Variants in SENP2 observed in about 807,000 individuals in gnomAD.
SENP2 encodes SUMO specific peptidase 2.
A neutral mutation model predicts 86.3 loss-of-function variants in SENP2; 16 were observed. The ratio of observed to expected loss-of-function variants is 0.19; its 90% CI spans 0.13 to 0.28. SENP2 has a LOEUF of 0.28. Among genes scored for constraint, SENP2 ranks in the 10% least tolerant of loss-of-function variants. SENP2 has a pLI of 1.00. For synonymous variants in SENP2, 222 were observed against 238.7 expected, an observed-to-expected ratio of 0.93 and a Z score of 0.64; for missense variants, 552 against 703.0, an observed-to-expected ratio of 0.79 and a Z score of 2.43.
intron 5 of SENP2, among the ~76,000 whole-genome samples, chr3:185,603,230 C>G (rs1722405890): frequency 6.6e-6 from 1 of 152,012 alleles, no homozygotes; most frequent in African/African-American, 2.4e-5. Flanking sequence ...TTATTACTTA[C>G]AAAAGGAAAA....
At position 185,598,938 on chromosome 3, in the gene SENP2, T is replaced by C; in HGVS notation, c.292-20T>C. 6.3e-6 allele frequency: 10 copies of C among 1,581,144 alleles called. No homozygotes were observed. The highest frequency in any genetic ancestry group is 8.7e-6 in the Non-Finnish European group (10 of 1,152,650). ...TGACAAAATTTAGATGCTACAGAAG[T>C]GATTCTGTTTGATTTTAAGGTATTT... On this transcript the variant is annotated intron_variant, in intron 3 of 16. Transcript: ENST00000296257.
intron 2 of SENP2, among the ~76,000 whole-genome samples, chr3:185,597,559 G>T (rs1413485097): frequency 6.6e-6 from 1 of 151,486 alleles, no homozygotes; most frequent in African/African-American, 2.4e-5. Flanking sequence ...TCACTGTGTT[G>T]GCCAGGATGT....
At chr3:185,594,300 T>G (rs1476028353) in intron 2 of SENP2, among the ~76,000 whole-genome samples, 2 of 152,164 alleles carry the variant, frequency 1.3e-5, no homozygotes, top group African/African-American at 4.8e-5. Context: ...GTAGTATGAT[T>G]TTCTGAATGG....
intron 14 of SENP2, 127 bp downstream of exon 14, chr3:185,622,032 T>C: frequency 2.0e-6 from 1 of 508,448 alleles, no homozygotes; most frequent in African/African-American, 2.0e-5. Context: ...GCATGCATTT[T>C]ATTTTTAAAA....
At chr3:185,618,762 C>G (rs763456663) in intron 12 of SENP2, among the ~76,000 whole-genome samples, 1 of 151,934 alleles carries the variant, frequency 6.6e-6, no homozygotes, top group East Asian at 1.9e-4. Context: ...ACCTGTAGTC[C>G]CAGCTACTCG....
intron 6 of SENP2, 154 bp from the exon 7 acceptor site, chr3:185,609,093 A>T: frequency 1.8e-6 from 1 of 566,358 alleles, no homozygotes; most frequent in Non-Finnish European, 3.1e-6. Context: ...AGGAGGCTAG[A>T]TTATTTTTAA....
In SENP2 at chr3:185,621,889, A is replaced by T. The variant is rs750971650; in HGVS notation, c.1510A>T (p.Ile504Phe). Residue 504 changes from isoleucine to phenylalanine, a missense_variant, in exon 14 of 17, where the codon ATC (isoleucine) becomes TTC (phenylalanine). By Grantham distance (21) the Ile-to-Phe change is conservative. Around this residue, in one of 2 missense-constraint regions of SENP2, gnomAD observed 169 missense variants for 275.7 expected, o/e 0.61. Coordinates refer to ENST00000296257, the MANE Select transcript of SENP2 (RefSeq NM_021627.3). ...TTCTATGGGACAAAAGGGCCACAGG[A>T]TCTGTGAGATTCTCCTGTAAGTAAA... The part of the protein sequence containing the change: ...LDSMGQKGHR[I>F]CEILLQYLQD... 1.5e-5 allele frequency: 24 copies of T among 1,611,156 alleles called. No homozygotes were observed. Among genetic ancestry groups the T allele is most frequent in the Non-Finnish European group, 2.0e-5 (24 of 1,177,812 alleles).
chr3:185,596,999 G>A (rs1422094663), intron 2 of SENP2, among the ~76,000 whole-genome samples: 14 of 152,078 alleles, frequency 9.2e-5, no homozygotes, highest in Non-Finnish European at 1.6e-4. Flanking sequence ...GACTAAAGGC[G>A]CACACCACTG....
At chr3:185,629,654 G>A in intron 16 of SENP2, 128 bp from the exon 17 acceptor site, 2 of 818,702 alleles carry the variant, frequency 2.4e-6, no homozygotes, top group South Asian at 2.9e-5. Context: ...TATGTTCCAT[G>A]ATGTAAAAAT....
At chr3:185,590,884 A>G (rs1721963467) in intron 2 of SENP2, among the ~76,000 whole-genome samples, 1 of 145,612 alleles carries the variant, frequency 6.9e-6, no homozygotes, top group Non-Finnish European at 1.5e-5. Context: ...AAAAAAAAAA[A>G]AAAAAAAGAA....
intron 5 of SENP2, among the ~76,000 whole-genome samples, chr3:185,604,629 A>G (rs1577726719): frequency 6.6e-6 from 1 of 152,180 alleles, no homozygotes; most frequent in East Asian, 1.9e-4. Flanking sequence ...CCTGACCTAG[A>G]TTCACCAGTT....
At chr3:185,615,973 C>G (rs1318425554) in intron 11 of SENP2, among the ~76,000 whole-genome samples, 2 of 151,960 alleles carry the variant, frequency 1.3e-5, no homozygotes, top group Non-Finnish European at 2.9e-5. Flanking sequence ...AGTGATTCTT[C>G]TGCCTCAGCC....
intron 13 of SENP2, among the ~76,000 whole-genome samples, chr3:185,619,992 T>C (rs1220684317): frequency 6.6e-6 from 1 of 151,838 alleles, no homozygotes. Context: ...CCTCAGTTTT[T>C]CAAAGTGTTG....
intron 2 of SENP2, 61 bp downstream of exon 2, chr3:185,590,230 C>A: frequency 2.4e-6 from 2 of 824,912 alleles, no homozygotes; most frequent in Non-Finnish European, 3.7e-6. Flanking sequence ...ATGCATGGAA[C>A]AAAATTCAAA....
At chr3:185,620,222 C>T (rs1303886033) in intron 13 of SENP2, among the ~76,000 whole-genome samples, 2 of 151,844 alleles carry the variant, frequency 1.3e-5, no homozygotes, top group Admixed American at 1.3e-4. Flanking sequence ...ACCACTATGC[C>T]TGGCTAATTT....
intron 5 of SENP2, among the ~76,000 whole-genome samples, chr3:185,602,016 C>G (rs1722362158): frequency 6.6e-6 from 1 of 152,164 alleles, no homozygotes; most frequent in Non-Finnish European, 1.5e-5. Flanking sequence ...TCTCCCCCTG[C>G]CTATTCCCAG....
chr3:185,608,247 G>A (rs1722580472), intron 6 of SENP2, among the ~76,000 whole-genome samples: 1 of 152,058 alleles, frequency 6.6e-6, no homozygotes, highest in African/African-American at 2.4e-5. Context: ...TTTAAGATGA[G>A]GTGTTAAATA....
chr3:185,602,813 A>G (rs576669072), intron 5 of SENP2, among the ~76,000 whole-genome samples: 1 of 133,186 alleles, frequency 7.5e-6, no homozygotes, highest in East Asian at 2.5e-4. Flanking sequence ...AGCCTGGGTG[A>G]CAGAGTGAGA....
intron 1 of SENP2, among the ~76,000 whole-genome samples, chr3:185,587,449 T>C (rs1268567110): frequency 6.6e-6 from 1 of 152,152 alleles, no homozygotes; most frequent in East Asian, 1.9e-4. Context: ...GCTATTCTTA[T>C]TTAGCATCTA....
Sources: gnomAD v4.1 joint callset for allele counts (sites outside exome capture counted in the v4.1 genomes callset) on GRCh38, gnomAD v4.1.1 for gene constraint, gnomAD v4.1.1 regional missense constraint, MANE v1.5 for transcripts, NCBI Gene and HGNC (gene_info 2026-07-23, HGNC 2026-07-21) for gene names.